Variants in SDC2 observed in about 807,000 individuals in gnomAD.
SDC2 encodes syndecan 2.
In SDC2, 13 loss-of-function variants were observed where a neutral mutation model predicts 22.2. The observed-to-expected ratio is 0.59, with a 90% CI of 0.38 to 0.93. SDC2 has a LOEUF of 0.93. Ranked by LOEUF, SDC2 falls within the 40% of genes least tolerant of loss-of-function variation. SDC2 has a pLI of 0.00. For synonymous variants in SDC2, 94 were observed against 92.8 expected (o/e 1.01, Z -0.07); for missense variants, 235 against 246.8 (o/e 0.95, Z 0.32).
intron 1 of SDC2, among the ~76,000 whole-genome samples, chr8:96,548,327 C>A (rs1442932416): frequency 6.6e-6 from 1 of 152,148 alleles, no homozygotes; most frequent in Non-Finnish European, 1.5e-5. Context: ...ACCCAAAAAT[C>A]TGAAATGCTC....
intron 1 of SDC2, among the ~76,000 whole-genome samples, chr8:96,558,809 A>G (rs553351144): frequency 6.8e-6 from 1 of 146,748 alleles, no homozygotes; most frequent in South Asian, 2.2e-4. Flanking sequence ...GTAGATAATC[A>G]CATTTGAATA....
intron 1 of SDC2, among the ~76,000 whole-genome samples, chr8:96,582,323 T>C (rs1424640660): frequency 6.6e-6 from 1 of 152,214 alleles, no homozygotes; most frequent in Non-Finnish European, 1.5e-5. Context: ...ATATCAGGAA[T>C]ATGAATAATC....
chr8:96,560,370 A>G (rs1814189044), intron 1 of SDC2, among the ~76,000 whole-genome samples: 1 of 152,206 alleles, frequency 6.6e-6, no homozygotes, highest in South Asian at 2.1e-4. Flanking sequence ...ATATCTTCAC[A>G]GATTATTTTG....
intron 1 of SDC2, among the ~76,000 whole-genome samples, chr8:96,521,444 T>C (rs1680922037): frequency 6.6e-6 from 1 of 152,150 alleles, no homozygotes; most frequent in South Asian, 2.1e-4. Context: ...AGGATGTTTA[T>C]GGAATGAACT....
At chr8:96,589,473 C>T (rs192510993) in intron 1 of SDC2, among the ~76,000 whole-genome samples, 179 of 152,246 alleles carry the variant, frequency 1.2e-3, no homozygotes, top group Non-Finnish European at 1.9e-3. Context: ...AGTACAGTGG[C>T]GCAGTCTTGG....
At chr8:96,599,764 C>T (rs1193643856) in intron 2 of SDC2, among the ~76,000 whole-genome samples, 1 of 152,128 alleles carries the variant, frequency 6.6e-6, no homozygotes, top group African/African-American at 2.4e-5. Flanking sequence ...TGTATTTATT[C>T]CAACATGCCC....
At chr8:96,555,440 A>G (rs1814093739) in intron 1 of SDC2, among the ~76,000 whole-genome samples, 1 of 152,120 alleles carries the variant, frequency 6.6e-6, no homozygotes, top group Non-Finnish European at 1.5e-5. Flanking sequence ...GAAGCGCTGT[A>G]TCTCTGTTGT....
intron 1 of SDC2, among the ~76,000 whole-genome samples, chr8:96,571,186 G>T (rs1230046121): frequency 6.6e-6 from 1 of 152,270 alleles, no homozygotes; most frequent in Non-Finnish European, 1.5e-5. Flanking sequence ...GAGTGTGCTG[G>T]GTAGAGAGTA....
At chr8:96,596,013 G>C (rs550844211) in intron 2 of SDC2, among the ~76,000 whole-genome samples, 1 of 152,200 alleles carries the variant, frequency 6.6e-6, no homozygotes, top group Admixed American at 6.5e-5. Context: ...TGAAGCAGCA[G>C]TACTTGTAAC....
At chr8:96,518,900 G>C (rs770333576) in intron 1 of SDC2, among the ~76,000 whole-genome samples, 1 of 152,168 alleles carries the variant, frequency 6.6e-6, no homozygotes, top group Non-Finnish European at 1.5e-5. Context: ...ATTTGGAGGA[G>C]GTCCATCCTA....
intron 1 of SDC2, among the ~76,000 whole-genome samples, chr8:96,559,168 G>C (rs1814167830): frequency 6.6e-6 from 1 of 152,282 alleles, no homozygotes; most frequent in Non-Finnish European, 1.5e-5. Context: ...TTTGACACAA[G>C]GGCCGATGGT....
chr8:96,530,826 G>T (rs557149186), intron 1 of SDC2, among the ~76,000 whole-genome samples: 60 of 152,284 alleles, frequency 3.9e-4, no homozygotes, highest in African/African-American at 1.4e-3. Context: ...ATAACAGTTG[G>T]CCATGGGCAG....
At position 96,600,272 on chromosome 8, in the gene SDC2, T is replaced by C. The variant is rs188511288; in HGVS notation, c.173-2123T>C. Reference sequence around the variant, plus strand: ...TACCCATTTTCTTTTGTTTGAGGAATTTAGAGGTATTTATCAATGTGTTGT... The same window carrying C: ...TACCCATTTTCTTTTGTTTGAGGAACTTAGAGGTATTTATCAATGTGTTGT... On this transcript the variant is annotated intron_variant, in intron 2 of 4. Coordinates refer to ENST00000302190, the MANE Select transcript of SDC2 (RefSeq NM_002998.4). Among the ~76,000 whole-genome samples the C allele has an allele frequency of 4.2e-3, 638 of 152,320 alleles. 7 individuals carry two copies. Among genetic ancestry groups the C allele is most frequent in the African/African-American group, 0.014 (593 of 41,574 alleles).
chr8:96,504,902 T>G (rs1813216037), intron 1 of SDC2, among the ~76,000 whole-genome samples: 1 of 152,016 alleles, frequency 6.6e-6, no homozygotes, highest in Non-Finnish European at 1.5e-5. Context: ...GGGGCCGTTT[T>G]ATAAGATTTG....
intron 1 of SDC2, among the ~76,000 whole-genome samples, chr8:96,587,390 A>G (rs1284759741): frequency 6.6e-6 from 1 of 152,214 alleles, no homozygotes; most frequent in Non-Finnish European, 1.5e-5. Context: ...CTCTGTAAAC[A>G]AACCCTTAAA....
intron 1 of SDC2, among the ~76,000 whole-genome samples, chr8:96,589,523 C>T (rs137863943): frequency 0.024 from 3,674 of 152,308 alleles, 138 homozygotes; most frequent in African/African-American, 0.076. Context: ...AGTGATTCTC[C>T]TGCCTCAGCC....
intron 2 of SDC2, among the ~76,000 whole-genome samples, chr8:96,598,174 G>T (rs910664110): frequency 6.6e-6 from 1 of 152,034 alleles, no homozygotes; most frequent in Non-Finnish European, 1.5e-5. Context: ...TTTCCGAAGG[G>T]CACTAATTCC....
intron 1 of SDC2, among the ~76,000 whole-genome samples, chr8:96,542,902 G>T (rs1346388915): frequency 6.6e-6 from 1 of 152,124 alleles, no homozygotes; most frequent in Non-Finnish European, 1.5e-5. Flanking sequence ...CCCTGGTTTG[G>T]ATGATAAATA....
At chr8:96,599,574 A>G (rs150853013) in intron 2 of SDC2, among the ~76,000 whole-genome samples, 78 of 152,340 alleles carry the variant, frequency 5.1e-4, no homozygotes, top group African/African-American at 1.8e-3. Flanking sequence ...AATGCTTTAA[A>G]TATGTATCAT....
Sources: gnomAD v4.1 joint callset for allele counts (sites outside exome capture counted in the v4.1 genomes callset) on GRCh38, gnomAD v4.1.1 for gene constraint, MANE v1.5 for transcripts, NCBI Gene and HGNC (gene_info 2026-07-23, HGNC 2026-07-21) for gene names.